Variants in HEMK2 observed in about 807,000 individuals in gnomAD.
HEMK2 encodes the protein HemK methyltransferase 2, ETF1 glutamine and histone H4 lysine, also known as methyltransferase HEMK2.
chr21:28,838,972 A>AAAAAAATATATATATATATATATAT, the HEMK2 span, among the ~76,000 whole-genome samples: 3 of 29,152 alleles, frequency 1.0e-4, no homozygotes, highest in Non-Finnish European at 1.7e-4. Flanking sequence ...AAAAAAAAAA[A>AAAAAAATATATATATATATATATAT]ATATATATAT....
the HEMK2 span, among the ~76,000 whole-genome samples, chr21:28,590,681 T>C: frequency 6.6e-6 from 1 of 152,172 alleles, no homozygotes; most frequent in Non-Finnish European, 1.5e-5. Flanking sequence ...GCAGGGAAAT[T>C]TATTAACTGA....
At chr21:28,831,449 A>T in the HEMK2 span, among the ~76,000 whole-genome samples, 1 of 94,260 alleles carries the variant, frequency 1.1e-5, no homozygotes, top group Non-Finnish European at 1.8e-5. Context: ...TATCTCAAAA[A>T]GAAAGAAAAG....
At chr21:28,624,493 G>A in the HEMK2 span, among the ~76,000 whole-genome samples, 1 of 152,220 alleles carries the variant, frequency 6.6e-6, no homozygotes. Flanking sequence ...TGTCATCGAA[G>A]GGGAATATTC....
the HEMK2 span, among the ~76,000 whole-genome samples, chr21:28,885,044 T>C: frequency 1.3e-5 from 2 of 152,002 alleles, no homozygotes; most frequent in African/African-American, 2.4e-5. Context: ...TCATTACTTG[T>C]AGCTACAGGA....
chr21:28,748,017 G>A, the HEMK2 span, among the ~76,000 whole-genome samples: 1 of 152,226 alleles, frequency 6.6e-6, no homozygotes, highest in African/African-American at 2.4e-5. Context: ...CACAGGAACA[G>A]AACAGCAAAT....
the HEMK2 span, among the ~76,000 whole-genome samples, chr21:28,701,547 CACACACACACAT>C: frequency 0.034 from 2,612 of 77,746 alleles, 37 homozygotes; most frequent in African/African-American, 0.12. Flanking sequence ...TCACAATAGC[CACACACACACAT>C]ACACACACAC....
At chr21:28,686,506 T>C in the HEMK2 span, among the ~76,000 whole-genome samples, 2 of 152,148 alleles carry the variant, frequency 1.3e-5, no homozygotes, top group Non-Finnish European at 2.9e-5. Flanking sequence ...GTGCTGCAAT[T>C]ACAGGAGTGA....
At chr21:28,861,185 C>T in the HEMK2 span, among the ~76,000 whole-genome samples, 9 of 152,212 alleles carry the variant, frequency 5.9e-5, no homozygotes, top group Non-Finnish European at 8.8e-5. Flanking sequence ...AGACACTCGA[C>T]TACAAAATTA....
At chr21:28,607,845 C>G in the HEMK2 span, among the ~76,000 whole-genome samples, 2 of 152,120 alleles carry the variant, frequency 1.3e-5, no homozygotes, top group East Asian at 3.8e-4. Flanking sequence ...AGAAATATTG[C>G]AAACATTGAA....
At chr21:28,883,148 T>A in the HEMK2 span, 4 of 918,878 alleles carry the variant, frequency 4.4e-6, no homozygotes, top group African/African-American at 1.7e-5. Context: ...CTAGTGTTAT[T>A]TCTAGCATAT....
the HEMK2 span, among the ~76,000 whole-genome samples, chr21:28,739,083 A>G: frequency 6.6e-6 from 1 of 152,186 alleles, no homozygotes; most frequent in Non-Finnish European, 1.5e-5. Flanking sequence ...AAATGAAACC[A>G]AAAAAACCTA....
the HEMK2 span, among the ~76,000 whole-genome samples, chr21:28,738,222 G>T: frequency 6.6e-6 from 1 of 152,124 alleles, no homozygotes; most frequent in African/African-American, 2.4e-5. Context: ...TAGCTTAGCT[G>T]GTGTTCTGTA....
the HEMK2 span, among the ~76,000 whole-genome samples, chr21:28,622,651 G>C: frequency 3.9e-5 from 6 of 152,036 alleles, no homozygotes; most frequent in Non-Finnish European, 8.8e-5. Flanking sequence ...AAATGGAACA[G>C]AACAGAGGCC....
the HEMK2 span, among the ~76,000 whole-genome samples, chr21:28,880,989 T>C: frequency 2.1e-5 from 3 of 142,156 alleles, no homozygotes; most frequent in Non-Finnish European, 4.5e-5. Context: ...GTAAGAAAAG[T>C]GCAAGTTAAG....
At chr21:28,727,631 TGGA>T in the HEMK2 span, among the ~76,000 whole-genome samples, 1 of 152,234 alleles carries the variant, frequency 6.6e-6, no homozygotes, top group African/African-American at 2.4e-5. Context: ...TAAGATTTAT[TGGA>T]GAAGAAAAGA....
the HEMK2 span, among the ~76,000 whole-genome samples, chr21:28,578,443 CGA>C: frequency 6.6e-6 from 1 of 152,158 alleles, no homozygotes; most frequent in African/African-American, 2.4e-5. Flanking sequence ...ACAGGACAGA[CGA>C]TATTGACAGT....
chr21:28,765,890 C>A, the HEMK2 span, among the ~76,000 whole-genome samples: 1 of 152,018 alleles, frequency 6.6e-6, no homozygotes, highest in Non-Finnish European at 1.5e-5. Context: ...CAGGGAAATG[C>A]AAATTAAAAC....
the HEMK2 span, among the ~76,000 whole-genome samples, chr21:28,826,448 G>C: frequency 6.6e-6 from 1 of 152,154 alleles, no homozygotes; most frequent in African/African-American, 2.4e-5. Context: ...TTTCACCTAA[G>C]ATCCTTAGTG....
the HEMK2 span, chr21:28,879,827 A>G: frequency 2.8e-6 from 4 of 1,406,348 alleles, no homozygotes; most frequent in Admixed American, 6.5e-5. Flanking sequence ...TACAAACAAA[A>G]TAATTGAAAA....
Sources: allele counts gnomAD v4.1 joint callset (sites outside exome capture counted in the v4.1 genomes callset), GRCh38; gene constraint gnomAD v4.1.1; transcripts MANE v1.5; gene names NCBI Gene and HGNC (gene_info 2026-07-23, HGNC 2026-07-21).